The following C12orf42 variants were observed in gnomAD, a reference collection of about 807,000 sequenced individuals.
C12orf42 encodes the protein uncharacterized protein C12orf42.
Under a neutral mutation model 21.6 loss-of-function variants are expected in C12orf42, and 25 were observed. The observed-to-expected ratio is 1.16, with a 90% CI of 0.84 to 1.62. The LOEUF (loss-of-function observed/expected upper bound fraction) is 1.62. C12orf42 is among the 40% of genes most tolerant of loss of function. C12orf42 has a pLI of 0.00. For missense variants in C12orf42, 483 were observed against 459.3 expected (o/e 1.05, Z -0.47); for synonymous variants, 174 against 175.0 (o/e 0.99, Z 0.05).
chr12:103,313,862 T>C (rs1003573511), intron 4 of C12orf42, among the ~76,000 whole-genome samples: 2 of 152,238 alleles, frequency 1.3e-5, no homozygotes, highest in African/African-American at 2.4e-5. Flanking sequence ...CTATATGCCT[T>C]GTCCTGTGCT....
the C12orf42 span, among the ~76,000 whole-genome samples, chr12:103,095,147 T>G: frequency 6.6e-6 from 1 of 152,142 alleles, no homozygotes; most frequent in East Asian, 1.9e-4. Context: ...AGCCCCCTGA[T>G]TGGTCCCTTC....
chr12:103,201,934 A>G, the C12orf42 span, among the ~76,000 whole-genome samples: 63 of 152,216 alleles, frequency 4.1e-4, 1 homozygote, highest in Admixed American at 1.1e-3. Flanking sequence ...ATTAGCCAAA[A>G]AAAAGCAAGA....
chr12:103,125,517 T>A, the C12orf42 span, among the ~76,000 whole-genome samples: 1 of 152,180 alleles, frequency 6.6e-6, no homozygotes, highest in Non-Finnish European at 1.5e-5. Context: ...CGCATTTTTT[T>A]AAAAAAGCTA....
At chr12:103,306,442 G>T in intron 4 of C12orf42, 97 bp from the exon 5 acceptor site, 1 of 1,387,278 alleles carries the variant, frequency 7.2e-7, no homozygotes. Context: ...TAAACTTTTG[G>T]TTGTTTTGTG....
rs964142482 is a variant in C12orf42 at position 103,358,899 on chromosome 12, A to G, written c.259+9988T>C. Among the ~76,000 whole-genome samples, 5 of 152,060 alleles carry G rather than the reference A, an allele frequency of 3.3e-5. No individual in the cohort carries two copies. In the East Asian group the frequency reaches 9.7e-4, roughly 29 times the overall value. ...AGTAAATAAGAAGTGGTACAGCTCT[A>G]CCTAAAATCTTGAATAATCTCCCAC... On this transcript the variant is annotated intron_variant, in intron 4 of 5. Coordinates refer to ENST00000548883, the MANE Select transcript of C12orf42 (RefSeq NM_198521.5).
chr12:103,081,267 C>G, the C12orf42 span: 1 of 152,120 alleles, frequency 6.6e-6, no homozygotes, highest in African/African-American at 2.4e-5. Flanking sequence ...TAGTATAAAA[C>G]TCTTCTTTAC....
At chr12:103,543,791 T>C in the C12orf42 span, among the ~76,000 whole-genome samples, 1 of 152,184 alleles carries the variant, frequency 6.6e-6, no homozygotes, top group Non-Finnish European at 1.5e-5. Flanking sequence ...CTGTCTTTCA[T>C]CTAAGAATCT....
intron 5 of C12orf42, 29 bp from the exon 6 acceptor site, chr12:103,302,588 G>A: frequency 1.3e-6 from 2 of 1,573,942 alleles, no homozygotes; most frequent in Non-Finnish European, 1.7e-6. Context: ...AAGCAGGACA[G>A]AGATGAGGCT....
At chr12:103,069,430 T>C in the C12orf42 span, among the ~76,000 whole-genome samples, 1 of 152,178 alleles carries the variant, frequency 6.6e-6, no homozygotes, top group Non-Finnish European at 1.5e-5. Flanking sequence ...TAGCTTAGCC[T>C]AGTCTACCTT....
the C12orf42 span, among the ~76,000 whole-genome samples, chr12:103,210,053 CTTTTT>C: frequency 6.8e-6 from 1 of 146,390 alleles, no homozygotes; most frequent in East Asian, 2.0e-4. Flanking sequence ...TTCTTCCATA[CTTTTT>C]TTTTTTTAAG....
In C12orf42 at chr12:103,335,092, T is replaced by A. The variant is rs553162228; in HGVS notation, c.260-28747A>T. Among the ~76,000 whole-genome samples the A allele has an allele frequency of 2.0e-5, 3 of 152,374 alleles. No individual in the cohort carries two copies. In the South Asian group the frequency reaches 6.2e-4, roughly 32 times the overall value. ...TGAGAGGCTGGAATCCAATGGGAGA[T>A]GCCCAGTTTTAACAGCCAAATGTCT... On this transcript the variant is annotated intron_variant, in intron 4 of 5. Coordinates refer to ENST00000548883, the MANE Select transcript of C12orf42 (RefSeq NM_198521.5).
chr12:103,258,934 A>G (rs1593227653), intron 10 of C12orf42, among the ~76,000 whole-genome samples: 1 of 152,194 alleles, frequency 6.6e-6, no homozygotes, highest in Non-Finnish European at 1.5e-5. Context: ...TTTAAGTTGA[A>G]CCCCACTAAT....
the C12orf42 span, among the ~76,000 whole-genome samples, chr12:103,217,504 A>G: frequency 6.3e-4 from 93 of 146,656 alleles, no homozygotes; most frequent in African/African-American, 2.2e-3. Flanking sequence ...CCTTCAGCTT[A>G]GGGGTGACAG....
At chr12:103,318,672 G>T (rs2039778697) in intron 4 of C12orf42, among the ~76,000 whole-genome samples, 1 of 152,162 alleles carries the variant, frequency 6.6e-6, no homozygotes, top group Admixed American at 6.6e-5. Flanking sequence ...TGTGGGCTGA[G>T]TTTCAGTCCC....
intron 10 of C12orf42, among the ~76,000 whole-genome samples, chr12:103,243,953 C>T (rs761211737): frequency 2.0e-5 from 3 of 152,120 alleles, no homozygotes; most frequent in Non-Finnish European, 4.4e-5. Flanking sequence ...ACAGCTACAC[C>T]TCATTCCAAT....
the C12orf42 span, among the ~76,000 whole-genome samples, chr12:103,194,089 T>C: frequency 2.0e-5 from 3 of 151,294 alleles, no homozygotes; most frequent in Non-Finnish European, 2.9e-5. Context: ...ATCATCTCAA[T>C]AGATGCAGAA....
chr12:103,388,041 G>A (rs188451952), intron 3 of C12orf42, among the ~76,000 whole-genome samples: 1 of 152,294 alleles, frequency 6.6e-6, no homozygotes, highest in African/African-American at 2.4e-5. Flanking sequence ...AGCCAATTCA[G>A]AATTTAAACC....
At chr12:103,134,342 A>T in the C12orf42 span, among the ~76,000 whole-genome samples, 6 of 152,278 alleles carry the variant, frequency 3.9e-5, no homozygotes, top group South Asian at 1.2e-3. Context: ...TGGAGAATAC[A>T]GGAAAAATAA....
the C12orf42 span, among the ~76,000 whole-genome samples, chr12:103,228,117 C>T: frequency 5.7e-4 from 87 of 152,168 alleles, no homozygotes; most frequent in African/African-American, 2.0e-3. Context: ...CATGTGCGTC[C>T]GTGTGAAGAG....
Sources: gnomAD v4.1 joint callset for allele counts (sites outside exome capture counted in the v4.1 genomes callset) on GRCh38, gnomAD v4.1.1 for gene constraint, MANE v1.5 for transcripts, NCBI Gene and HGNC (gene_info 2026-07-23, HGNC 2026-07-21) for gene names.